Variants in SORCS2 observed in about 807,000 individuals in gnomAD.
SORCS2 encodes the protein VPS10 domain-containing receptor SorCS2.
A neutral mutation model predicts 141.6 loss-of-function variants in SORCS2; 100 were observed. The ratio of observed to expected loss-of-function variants is 0.71; its 90% CI spans 0.60 to 0.83. SORCS2 has a LOEUF of 0.83. Among genes scored for constraint, SORCS2 ranks in the 40% least tolerant of loss-of-function variants. SORCS2 has a pLI of 0.00. For missense variants in SORCS2, 1,646 were observed against 1,560.2 expected (o/e 1.05, Z -0.93); for synonymous variants, 789 against 676.9 (o/e 1.17, Z -2.57).
At chr4:7,245,257 A>T (rs1042705212) in intron 1 of SORCS2, among the ~76,000 whole-genome samples, 5 of 152,152 alleles carry the variant, frequency 3.3e-5, no homozygotes, top group Non-Finnish European at 7.4e-5. Context: ...AAAACAGGCA[A>T]AGCCACAGTG....
At chr4:7,541,633 C>A (rs911293372) in intron 3 of SORCS2, among the ~76,000 whole-genome samples, 24 of 152,178 alleles carry the variant, frequency 1.6e-4, no homozygotes, top group Admixed American at 8.5e-4. Flanking sequence ...TGCCCTTTTT[C>A]TTGAAGAGTG....
At position 7,392,903 on chromosome 4, in the gene SORCS2, G is replaced by T. The variant is rs796529182; in HGVS notation, c.481-3385G>T. 7.5e-4 allele frequency among the ~76,000 whole-genome samples: 113 copies of T among 151,552 alleles called. 1 individual carries two copies. The highest frequency in any genetic ancestry group is 3.4e-3 in the Middle Eastern group (1 of 290). Reference sequence around the variant, plus strand: ...TAATATGGGCCCCTCCCAGTCGGGGGGGGGGGGGTGCTGCGAGAGAGTGGA... The same window carrying T: ...TAATATGGGCCCCTCCCAGTCGGGGTGGGGGGGGTGCTGCGAGAGAGTGGA... On this transcript the variant is annotated intron_variant, in intron 1 of 26. Coordinates refer to ENST00000507866, the MANE Select transcript of SORCS2 (RefSeq NM_020777.3).
intron 1 of SORCS2, among the ~76,000 whole-genome samples, chr4:7,316,285 TG>T (rs1471834271): frequency 6.6e-6 from 1 of 152,214 alleles, no homozygotes; most frequent in Non-Finnish European, 1.5e-5. Flanking sequence ...CTTCCATTCA[TG>T]TATCCATCCA....
intron 5 of SORCS2, among the ~76,000 whole-genome samples, chr4:7,660,837 C>T (rs1433956965): frequency 6.6e-6 from 1 of 152,154 alleles, no homozygotes; most frequent in African/African-American, 2.4e-5. Flanking sequence ...GCCTTCGCCA[C>T]CTCACGAAAG....
At chr4:7,222,374 G>T (rs1470005571) in intron 1 of SORCS2, among the ~76,000 whole-genome samples, 1 of 152,182 alleles carries the variant, frequency 6.6e-6, no homozygotes, top group Non-Finnish European at 1.5e-5. Context: ...AGTCAAAGAA[G>T]CCAGCCACGA....
intron 1 of SORCS2, among the ~76,000 whole-genome samples, chr4:7,281,509 C>T (rs557463282): frequency 1.1e-4 from 17 of 152,266 alleles, no homozygotes; most frequent in African/African-American, 3.4e-4. Context: ...CTGGGCTGTG[C>T]GTGCGTCCAG....
chr4:7,287,325 C>T (rs1013372575), intron 1 of SORCS2, among the ~76,000 whole-genome samples: 6 of 152,190 alleles, frequency 3.9e-5, no homozygotes, highest in African/African-American at 7.2e-5. Context: ...GCAGCTGTAC[C>T]CTGTCCCTCC....
intron 11 of SORCS2, among the ~76,000 whole-genome samples, chr4:7,693,181 TTTCTTCCTCATCTTCAC>T: frequency 5.6e-5 from 1 of 17,714 alleles, no homozygotes; most frequent in East Asian, 0.013. Context: ...ATCTTCACCC[TTTCTTCCTCATCTTCAC>T]CCTTTCTTCC....
intron 1 of SORCS2, among the ~76,000 whole-genome samples, chr4:7,300,394 G>T (rs1005006745): frequency 2.0e-5 from 3 of 152,162 alleles, no homozygotes; most frequent in African/African-American, 7.2e-5. Flanking sequence ...TGAACTCACC[G>T]TGCAGTGATG....
chr4:7,432,982 G>C (rs1726987253), intron 2 of SORCS2: 1 of 203,486 alleles, frequency 4.9e-6, no homozygotes, highest in Admixed American at 6.0e-5. Context: ...TCCAGCAGAA[G>C]GTAAAGGGGC....
intron 3 of SORCS2, among the ~76,000 whole-genome samples, chr4:7,569,093 C>G (rs955173329): frequency 6.6e-6 from 1 of 152,216 alleles, no homozygotes; most frequent in Non-Finnish European, 1.5e-5. Flanking sequence ...AAGCTGCTTC[C>G]ATTTCCAGGG....
chr4:7,659,464 A>G (rs1041998516), intron 5 of SORCS2, among the ~76,000 whole-genome samples: 1 of 152,088 alleles, frequency 6.6e-6, no homozygotes, highest in African/African-American at 2.4e-5. Context: ...GGTGCTTCAT[A>G]GGCTTGGCCC....
At chr4:7,389,217 C>T (rs866167498) in intron 1 of SORCS2, among the ~76,000 whole-genome samples, 6 of 152,170 alleles carry the variant, frequency 3.9e-5, no homozygotes, top group Admixed American at 6.5e-5. Context: ...TGTTGGCTGG[C>T]GGGTGAGGTG....
intron 3 of SORCS2, among the ~76,000 whole-genome samples, chr4:7,614,890 TCCAC>T (rs1290131499): frequency 6.6e-6 from 1 of 151,458 alleles, no homozygotes; most frequent in Non-Finnish European, 1.5e-5. Context: ...CCATCTGCCA[TCCAC>T]CCATCAATCC....
intron 2 of SORCS2, among the ~76,000 whole-genome samples, chr4:7,475,206 C>G (rs879363208): frequency 7.2e-5 from 11 of 152,132 alleles, no homozygotes; most frequent in African/African-American, 4.8e-5. Context: ...AGGGTGCCGC[C>G]GTGCCTGGGA....
At chr4:7,537,542 C>T (rs1274961611) in intron 3 of SORCS2, among the ~76,000 whole-genome samples, 1 of 152,138 alleles carries the variant, frequency 6.6e-6, no homozygotes, top group African/African-American at 2.4e-5. Flanking sequence ...TTTGCTTTGT[C>T]CAGTCTTATA....
chr4:7,600,654 TATACACACACACAC>T (rs1560416928), intron 3 of SORCS2, among the ~76,000 whole-genome samples: 4 of 92,670 alleles, frequency 4.3e-5, no homozygotes, highest in East Asian at 6.2e-4. Flanking sequence ...TACATATATA[TATACACACACACAC>T]ACACACACAC....
Position 7,286,442 on chromosome 4 carries a change from C to G in SORCS2, c.480+93316C>G, listed in dbSNP as rs1716229248. 6.6e-6 allele frequency among the ~76,000 whole-genome samples: 1 copy of G among 152,184 alleles called. No homozygotes were observed. The highest frequency in any genetic ancestry group is 6.5e-5 in the Admixed American group (1 of 15,280). On this transcript the variant is annotated intron_variant, in intron 1 of 26. Coordinates refer to ENST00000507866, the MANE Select transcript of SORCS2 (RefSeq NM_020777.3). This position sits in a 1 kb window ranked among gnomAD's most constrained non-coding sequence, Gnocchi z 4.1. ...GACGTCCTGGAAGGCAGCCACGAGG[C>G]CTGACGTTGGAGATGCACCATCCTC...
At chr4:7,606,299 G>T (rs192538512) in intron 3 of SORCS2, among the ~76,000 whole-genome samples, 1 of 152,094 alleles carries the variant, frequency 6.6e-6, no homozygotes, top group South Asian at 2.1e-4. Context: ...TGTTTTTAGC[G>T]ATGGAGAATA....
Sources: allele counts gnomAD v4.1 joint callset (sites outside exome capture counted in the v4.1 genomes callset), GRCh38; gene constraint gnomAD v4.1.1; non-coding constraint Gnocchi (gnomAD v3.1); transcripts MANE v1.5; gene names NCBI Gene and HGNC (gene_info 2026-07-23, HGNC 2026-07-21).